Variants in ERO1B observed in about 807,000 individuals in gnomAD.
ERO1B encodes the protein endoplasmic reticulum oxidoreductase 1 beta.
ERO1B carries 49 observed loss-of-function variants against 75.3 expected under a neutral mutation model. That is an observed-to-expected ratio of 0.65 (90% CI 0.52 to 0.83). The LOEUF (loss-of-function observed/expected upper bound fraction) is 0.83. ERO1B is among the 40% of genes least tolerant of loss of function. ERO1B has a pLI of 0.00. For synonymous variants in ERO1B, 191 were observed against 192.9 expected (o/e 0.99, Z 0.08); for missense variants, 512 against 560.1 (o/e 0.91, Z 0.87).
chr1:236,244,043 G>C (rs146955206), intron 5 of ERO1B, among the ~76,000 whole-genome samples: 3 of 152,030 alleles, frequency 2.0e-5, no homozygotes, highest in African/African-American at 7.2e-5. Context: ...CAAAATCTAT[G>C]ATCAAGATTT....
chr1:236,220,263 A>G (rs1193557710), intron 15 of ERO1B: 1 of 150,936 alleles, frequency 6.6e-6, no homozygotes, highest in Non-Finnish European at 1.5e-5. Flanking sequence ...TGTATTCCTC[A>G]GTTGGCATTA....
chr1:236,218,021 C>A lies in ERO1B; in HGVS notation c.*495G>T, dbSNP rs1369883225. 2.0e-5 allele frequency: 3 copies of A among 152,076 alleles called. No homozygotes were observed. The highest frequency in any genetic ancestry group is 2.9e-5 in the Non-Finnish European group (2 of 67,974). The allele number at this position is 152,076 out of a possible 1,614,324, so 9.4% of individuals were successfully genotyped here. On this transcript the variant is annotated 3_prime_UTR_variant, in exon 16 of 16. Transcript: ENST00000354619. ...AGATTCTAGAAATATTATAGTATTT[C>A]TTTATATTATAGAAAGTGACACACA...
rs143193392 is a variant in ERO1B at position 236,243,406 on chromosome 1, T to C, written c.505+16A>G. 1.4e-6 allele frequency: 2 copies of C among 1,481,398 alleles called. No homozygotes were observed. Among genetic ancestry groups the C allele is most frequent in the African/African-American group, 1.4e-5 (1 of 70,802 alleles). The allele number at this position is 1,481,398 out of a possible 1,614,324, so 91.8% of individuals were successfully genotyped here. ...TAAAGTTAAAATAATTTAATTATAA[T>C]AGTTTATTGTATTACCATCAAGTTC... On this transcript the variant is annotated intron_variant, in intron 6 of 15. Coordinates refer to ENST00000354619, the MANE Select transcript of ERO1B (RefSeq NM_019891.4).
At chr1:236,262,417 T>G (rs1423088866) in intron 2 of ERO1B, among the ~76,000 whole-genome samples, 2 of 152,208 alleles carry the variant, frequency 1.3e-5, no homozygotes, top group Non-Finnish European at 2.9e-5. Context: ...TTGTTTGTTT[T>G]TTTGAGACAG....
chr1:236,268,402 T>C (rs549406750), intron 2 of ERO1B, among the ~76,000 whole-genome samples: 1 of 151,474 alleles, frequency 6.6e-6, no homozygotes, highest in Non-Finnish European at 1.5e-5. Flanking sequence ...ATGGAGCCAC[T>C]GCACTCCAGT....
intron 1 of ERO1B, among the ~76,000 whole-genome samples, chr1:236,276,533 T>A (rs1037897932): frequency 6.6e-6 from 1 of 152,116 alleles, no homozygotes; most frequent in Non-Finnish European, 1.5e-5. Flanking sequence ...GAGTGAGTGA[T>A]GAGTTGTGAA....
chr1:236,225,819 C>A (rs537986832), intron 12 of ERO1B, among the ~76,000 whole-genome samples: 19 of 152,222 alleles, frequency 1.2e-4, no homozygotes, highest in African/African-American at 4.6e-4. Context: ...CCTGTAATCT[C>A]AGTTACTTAG....
chr1:236,249,166 T>C (rs903066424), intron 5 of ERO1B, among the ~76,000 whole-genome samples: 1 of 151,896 alleles, frequency 6.6e-6, no homozygotes, highest in South Asian at 2.1e-4. Flanking sequence ...GCTGGGATTA[T>C]AGGCACCCGC....
chr1:236,278,464 A>G (rs1460959194), intron 1 of ERO1B, among the ~76,000 whole-genome samples: 1 of 152,112 alleles, frequency 6.6e-6, no homozygotes, highest in Non-Finnish European at 1.5e-5. Context: ...CACTGGGCAG[A>G]CACGGGGTTA....
At chr1:236,237,989 G>A (rs548282752) in intron 6 of ERO1B, among the ~76,000 whole-genome samples, 35 of 152,174 alleles carry the variant, frequency 2.3e-4, no homozygotes, top group African/African-American at 7.0e-4. Context: ...ACAGGCACTC[G>A]CCACCATGCC....
intron 14 of ERO1B, 27 bp from the exon 15 acceptor site, chr1:236,220,992 ATTAACT>A: frequency 6.9e-7 from 1 of 1,446,616 alleles, no homozygotes; most frequent in Non-Finnish European, 9.1e-7. Context: ...TAAACTCATA[ATTAACT>A]TTAAATAATA....
In ERO1B at chr1:236,216,933, CAACTT is replaced by C. The variant is rs1034286736; in HGVS notation, c.*1578_*1582del. ...GCTCCAATCAAGTCAGCCTTTTAAA[CAACTT>C]AACAAAAAATACTACCACCATCAAC... On this transcript the variant is annotated 3_prime_UTR_variant, in exon 16 of 16. Transcript: ENST00000354619. 1.3e-5 allele frequency: 2 copies of C among 151,160 alleles called. No homozygotes were observed. The highest frequency in any genetic ancestry group is 4.9e-5 in the African/African-American group (2 of 40,966). The allele number at this position is 151,160 out of a possible 1,614,324, so 9.4% of individuals were successfully genotyped here. A position where few individuals can be genotyped will look rare whatever the true frequency, so the allele number is the denominator to read the frequency against.
rs1320202525 is a variant in ERO1B, at chr1:236,252,060, T to C, written c.338A>G (p.His113Arg). Residue 113 changes from histidine to arginine, a missense_variant, in exon 4 of 16, where the codon CAT becomes CGT. Coordinates refer to ENST00000354619, the MANE Select transcript of ERO1B (RefSeq NM_019891.4). ...AGAGGAGGGACTTACCTTATTAGAA[T>C]GCCCAGCTTTTATTCCAACCGGAAT... ...SKIPVGIKAGHSNKYLKMANN... is the reference protein window; with the variant it reads ...SKIPVGIKAGRSNKYLKMANN... 15 of 1,601,682 alleles carry C rather than the reference T, an allele frequency of 9.4e-6. No individual in the cohort carries two copies. Among genetic ancestry groups the C allele is most frequent in the Non-Finnish European group, 1.2e-5 (14 of 1,172,030 alleles).
At chr1:236,252,633 T>A (rs1310441349) in intron 3 of ERO1B, among the ~76,000 whole-genome samples, 1 of 152,182 alleles carries the variant, frequency 6.6e-6, no homozygotes, top group Non-Finnish European at 1.5e-5. Context: ...ACAAGGCCAA[T>A]AATTAGTGTT....
In ERO1B at chr1:236,217,004, AAAAT is replaced by A. The variant is rs1372299256; in HGVS notation, c.*1508_*1511del. The A allele has an allele frequency of 2.0e-5, 3 of 152,084 alleles. No homozygotes were observed. Among genetic ancestry groups the A allele is most frequent in the Non-Finnish European group, 4.4e-5 (3 of 67,972 alleles). 9.4% of individuals were successfully genotyped at this position (152,084 alleles called of 1,614,324 possible). On this transcript the variant is annotated 3_prime_UTR_variant, in exon 16 of 16. Coordinates refer to ENST00000354619, the MANE Select transcript of ERO1B (RefSeq NM_019891.4). ...TTATAAAGGTTTGAAATTAGGTGAG[AAAAT>A]AAATAACTCTGAGACCTTAATACCC...
At chr1:236,223,823 C>T (rs928521461) in intron 13 of ERO1B, among the ~76,000 whole-genome samples, 2 of 152,066 alleles carry the variant, frequency 1.3e-5, no homozygotes, top group Admixed American at 6.6e-5. Flanking sequence ...ATACAAAATA[C>T]CAAAATGGCA....
chr1:236,250,718 A>G (rs1053257251), intron 4 of ERO1B, among the ~76,000 whole-genome samples: 6 of 150,514 alleles, frequency 4.0e-5, no homozygotes, highest in African/African-American at 1.5e-4. Context: ...ATATATATAC[A>G]TACGTACATA....
chr1:236,269,914 T>C lies in ERO1B; in HGVS notation c.183A>G (p.Ile61Met). ...AATAGTCTCTCTCTTGCAATTTTTTTATTTTGGGGAAGATTTTGTAGGTAT... is the reference window on the plus strand; with the variant it reads ...AATAGTCTCTCTCTTGCAATTTTTTCATTTTGGGGAAGATTTTGTAGGTAT... ...NFNTYKIFPK[I>M]KKLQERDYFR... Residue 61 changes from isoleucine to methionine, a missense_variant, in exon 2 of 16, where the codon ATA becomes ATG. Transcript: ENST00000354619. The C allele has an allele frequency of 6.2e-7, 1 of 1,601,810 alleles. No homozygotes were observed. Among genetic ancestry groups the C allele is most frequent in the Middle Eastern group, 1.7e-4 (1 of 6,028 alleles).
intron 1 of ERO1B, among the ~76,000 whole-genome samples, chr1:236,275,654 C>G (rs1665694680): frequency 6.6e-6 from 1 of 152,124 alleles, no homozygotes; most frequent in African/African-American, 2.4e-5. Context: ...TCACTTGGGT[C>G]TTTGTGGTGA....
Sources: allele counts gnomAD v4.1 joint callset (sites outside exome capture counted in the v4.1 genomes callset), GRCh38; gene constraint gnomAD v4.1.1; transcripts MANE v1.5; gene names NCBI Gene and HGNC (gene_info 2026-07-23, HGNC 2026-07-21).